The following DOK5 variants were observed in gnomAD, a reference collection of about 807,000 sequenced individuals.
The protein encoded by DOK5 is downstream of tyrosine kinase 5.
Under a neutral mutation model 43.3 loss-of-function variants are expected in DOK5, and 27 were observed. The ratio of observed to expected loss-of-function variants is 0.62; its 90% CI spans 0.46 to 0.86. The LOEUF (loss-of-function observed/expected upper bound fraction) is 0.86. DOK5 is among the 40% of genes least tolerant of loss of function. DOK5 has a pLI of 0.00. For synonymous variants in DOK5, 146 were observed against 140.1 expected (o/e 1.04, Z -0.30); for missense variants, 373 against 392.9 (o/e 0.95, Z 0.43).
chr20:54,610,822 T>C (rs549870391), intron 6 of DOK5, among the ~76,000 whole-genome samples: 1 of 152,332 alleles, frequency 6.6e-6, no homozygotes, highest in African/African-American at 2.4e-5. Flanking sequence ...CCTATGGAGA[T>C]ATGTCTTGCT....
intron 6 of DOK5, among the ~76,000 whole-genome samples, chr20:54,621,651 T>C (rs1287548744): frequency 2.7e-5 from 4 of 150,618 alleles, no homozygotes; most frequent in African/African-American, 9.8e-5. Flanking sequence ...ATTGCACCAC[T>C]GCGCTCTAGC....
chr20:54,519,680 G>C (rs1376362145), intron 1 of DOK5, among the ~76,000 whole-genome samples: 1 of 152,036 alleles, frequency 6.6e-6, no homozygotes, highest in African/African-American at 2.4e-5. Context: ...ATTATCTTAT[G>C]ATTCAGTAAA....
intron 6 of DOK5, among the ~76,000 whole-genome samples, chr20:54,639,490 C>T (rs529972219): frequency 9.9e-5 from 15 of 152,282 alleles, no homozygotes; most frequent in African/African-American, 3.6e-4. Flanking sequence ...TGAATTTTCC[C>T]ACAATTTTGT....
intron 1 of DOK5, among the ~76,000 whole-genome samples, chr20:54,528,329 T>G (rs1983647953): frequency 6.6e-6 from 1 of 152,170 alleles, no homozygotes; most frequent in African/African-American, 2.4e-5. Context: ...AGTAGCTTAT[T>G]AAGGTCGTTT....
intron 2 of DOK5, among the ~76,000 whole-genome samples, chr20:54,575,629 T>TTTA (rs1180092950): frequency 6.6e-6 from 1 of 152,062 alleles, no homozygotes; most frequent in East Asian, 1.9e-4. Flanking sequence ...TTAGTAGAGG[T>TTTA]GGGGTTTCAC....
chr20:54,537,218 C>T (rs940536961), intron 1 of DOK5, among the ~76,000 whole-genome samples: 1 of 152,224 alleles, frequency 6.6e-6, no homozygotes, highest in African/African-American at 2.4e-5. Flanking sequence ...AGAAGGCATA[C>T]TTTCCTACCC....
At chr20:54,520,972 A>G (rs1342547528) in intron 1 of DOK5, among the ~76,000 whole-genome samples, 1 of 151,964 alleles carries the variant, frequency 6.6e-6, no homozygotes, top group Non-Finnish European at 1.5e-5. Context: ...ATTATGGTAG[A>G]CACACTTGCC....
At chr20:54,612,426 C>T (rs956966869) in intron 6 of DOK5, among the ~76,000 whole-genome samples, 1 of 152,084 alleles carries the variant, frequency 6.6e-6, no homozygotes, top group Non-Finnish European at 1.5e-5. Context: ...ACACAGGGTG[C>T]CTAGATATTT....
chr20:54,529,510 T>A (rs1195172579), intron 1 of DOK5, among the ~76,000 whole-genome samples: 1 of 151,222 alleles, frequency 6.6e-6, no homozygotes, highest in Admixed American at 6.6e-5. Flanking sequence ...TTTTGAATTT[T>A]ACCCCCAACA....
chr20:54,519,125 G>T (rs755323518), intron 1 of DOK5, among the ~76,000 whole-genome samples: 33 of 152,284 alleles, frequency 2.2e-4, no homozygotes, highest in South Asian at 1.0e-3. Context: ...AGAAGTTGAG[G>T]CTTGTGGAGT....
At chr20:54,500,364 A>G (rs117820138) in intron 1 of DOK5, among the ~76,000 whole-genome samples, 284 of 152,276 alleles carry the variant, frequency 1.9e-3, no homozygotes, top group South Asian at 4.4e-3. Context: ...AGATGTCAAT[A>G]AACATTTTTC....
At chr20:54,577,237 T>C (rs1385937021) in intron 2 of DOK5, among the ~76,000 whole-genome samples, 1 of 152,204 alleles carries the variant, frequency 6.6e-6, no homozygotes, top group Non-Finnish European at 1.5e-5. Flanking sequence ...TGTTATATCA[T>C]CCAGAGAATT....
At chr20:54,565,471 T>G (rs1985063517) in intron 2 of DOK5, among the ~76,000 whole-genome samples, 1 of 152,222 alleles carries the variant, frequency 6.6e-6, no homozygotes, top group Non-Finnish European at 1.5e-5. Context: ...TTCTCACTGT[T>G]GAAATTATGT....
chr20:54,476,165 C>T, intron 1 of DOK5, 153 bp downstream of exon 1: 1 of 985,406 alleles, frequency 1.0e-6, no homozygotes. Context: ...CCGGGGCTGT[C>T]ACTGTAAGGC....
chr20:54,518,023 C>A (rs1983259973), intron 1 of DOK5, among the ~76,000 whole-genome samples: 2 of 152,052 alleles, frequency 1.3e-5, no homozygotes, highest in South Asian at 2.1e-4. Flanking sequence ...AGTTATTAAG[C>A]CCTTCCTTCT....
chr20:54,496,604 A>T (rs1982402900), intron 1 of DOK5, among the ~76,000 whole-genome samples: 1 of 151,946 alleles, frequency 6.6e-6, no homozygotes, highest in Non-Finnish European at 1.5e-5. Context: ...CGTCTCTACT[A>T]AAAATACAAA....
intron 2 of DOK5, among the ~76,000 whole-genome samples, chr20:54,576,306 T>C (rs957009963): frequency 1.3e-5 from 2 of 152,134 alleles, no homozygotes; most frequent in East Asian, 1.9e-4. Flanking sequence ...ATAAATAAAA[T>C]GGTCATTCAC....
intron 4 of DOK5, among the ~76,000 whole-genome samples, chr20:54,590,519 G>A (rs933355952): frequency 6.6e-6 from 1 of 151,848 alleles, no homozygotes; most frequent in Non-Finnish European, 1.5e-5. Flanking sequence ...CTTTCAAGGG[G>A]GGGGAATATG....
chr20:54,583,621 T>C (rs1224212268), intron 2 of DOK5, among the ~76,000 whole-genome samples: 1 of 152,188 alleles, frequency 6.6e-6, no homozygotes, highest in Non-Finnish European at 1.5e-5. Context: ...TTCATCTTTT[T>C]TTCATTATAG....
Sources: gnomAD v4.1 joint callset for allele counts (sites outside exome capture counted in the v4.1 genomes callset) on GRCh38, gnomAD v4.1.1 for gene constraint, MANE v1.5 for transcripts, NCBI Gene and HGNC (gene_info 2026-07-23, HGNC 2026-07-21) for gene names.